RUFY4: variants seen among roughly 807,000 people sequenced by gnomAD.
RUFY4 encodes RUN and FYVE domain-containing protein 4.
RUFY4 carries 73 observed loss-of-function variants against 69.0 expected under a neutral mutation model. The observed-to-expected ratio is 1.06, with a 90% confidence interval of 0.88 to 1.29. The LOEUF is 1.29. RUFY4 is among the 50% of genes most tolerant of loss of function. The pLI, the probability that RUFY4 is intolerant of heterozygous loss-of-function variation, is 0.00. For missense variants in RUFY4, 770 were observed against 705.6 expected, an observed-to-expected ratio of 1.09 and a Z score of -1.03; for synonymous variants, 287 against 271.8, an observed-to-expected ratio of 1.06 and a Z score of -0.55.
chr2:218,045,317 C>T (rs888029650), intron 2 of RUFY4, among the ~76,000 whole-genome samples: 8 of 152,104 alleles, frequency 5.3e-5, no homozygotes, highest in African/African-American at 1.7e-4. Flanking sequence ...TGTCCTATTA[C>T]AAGCAGAGTA....
exon 7 of RUFY4, chr2:218,075,114 C>T: frequency 2.6e-6 from 4 of 1,539,384 alleles, no homozygotes; most frequent in Non-Finnish European, 3.5e-6. Context: ...ATATGGAGGG[C>T]CTGAAAATGT....
Position 218,070,895 on chromosome 2 carries a change from C to T in RUFY4, c.153+36C>T, listed in dbSNP as rs1049372828. 2.0e-6 allele frequency: 3 copies of T among 1,463,576 alleles called. No individual in the cohort carries two copies. In the African/African-American group the frequency reaches 4.2e-5, roughly 20 times the overall value. The allele number at this position is 1,463,576 out of a possible 1,614,324, so 90.7% of individuals were successfully genotyped here. A position where few individuals can be genotyped will look rare whatever the true frequency, so the allele number is the denominator to read the frequency against. On this transcript the variant is annotated intron_variant, in intron 2 of 10. Coordinates refer to ENST00000344321, the Ensembl canonical transcript of RUFY4. ...CTCCTCCCCTTCCCCATCCCTCTCC[C>T]CAGACCCAGATAACTGGTGGGACAT...
At chr2:218,062,246 T>A (rs59975032) in intron 3 of RUFY4, among the ~76,000 whole-genome samples, 48,523 of 149,690 alleles carry the variant, frequency 0.32, 8,605 homozygotes, top group African/African-American at 0.47. Flanking sequence ...AAAAATATTT[T>A]AAAAAAAAAA....
chr2:218,083,170 G>A (rs537392912), exon 9 of RUFY4: 15 of 1,613,672 alleles, frequency 9.3e-6, no homozygotes, highest in South Asian at 2.2e-5. Flanking sequence ...AGGAGGCTGA[G>A]AGGAGGGATG....
intron 8 of RUFY4, among the ~76,000 whole-genome samples, chr2:218,079,068 C>T (rs954111350): frequency 1.3e-5 from 2 of 152,180 alleles, no homozygotes; most frequent in Non-Finnish European, 2.9e-5. Flanking sequence ...GGGGTTTCAT[C>T]ATGTTGGCCA....
chr2:218,060,764 G>T (rs758355643), intron 3 of RUFY4: 11 of 1,555,090 alleles, frequency 7.1e-6, no homozygotes, highest in Non-Finnish European at 8.9e-6. Context: ...GCACGATGAA[G>T]CCAAAGGACT....
upstream of RUFY4, among the ~76,000 whole-genome samples, chr2:218,066,207 G>T (rs1313123955): frequency 4.1e-5 from 4 of 97,902 alleles, no homozygotes; most frequent in East Asian, 1.3e-3. Context: ...TTTTGAGAAG[G>T]AATTTTGCTC....
rs1054280022 is a variant in RUFY4, at chr2:218,072,886, G to A, written c.386+1G>A. On this transcript the variant is annotated splice_donor_variant, in intron 4 of 10. Coordinates refer to ENST00000344321, the Ensembl canonical transcript of RUFY4. LOFTEE classifies it high-confidence loss of function. ...GCCTCCTGAACTCAGAGCTCACCAGGTGGGGCTGTTGGGACATCCTCCTGC... is the reference window on the plus strand; with the variant it reads ...GCCTCCTGAACTCAGAGCTCACCAGATGGGGCTGTTGGGACATCCTCCTGC... 3.9e-6 allele frequency: 6 copies of A among 1,522,004 alleles called. No homozygotes were observed. The African/African-American group carries it at 5.5e-5, about 14-fold the overall frequency. 94.3% of individuals were successfully genotyped at this position (1,522,004 alleles called of 1,614,324 possible). A position where few individuals can be genotyped will look rare whatever the true frequency, so the allele number is the denominator to read the frequency against.
rs538012030 is a variant in RUFY4 at position 218,053,554 on chromosome 2, G to T, written c.-1157-5041G>T. On this transcript the variant is annotated intron_variant and NMD_transcript_variant, in intron 2 of 13. Coordinates refer to the RUFY4 transcript ENST00000457754. Reference sequence around the variant, plus strand: ...AAACGGAGTCTTGCTCTGTCGCCCAGGCTGGAGTGCAGTGGCGAGATCTCG... The same window carrying T: ...AAACGGAGTCTTGCTCTGTCGCCCATGCTGGAGTGCAGTGGCGAGATCTCG... Among the ~76,000 whole-genome samples, 12 of 152,162 alleles carry T rather than the reference G, an allele frequency of 7.9e-5. No homozygotes were observed. In the East Asian group the frequency reaches 2.3e-3, roughly 29 times the overall value.
At chr2:218,072,547 T>G in intron 3 of RUFY4, 48 bp downstream of exon 5, 1 of 1,530,290 alleles carries the variant, frequency 6.5e-7, no homozygotes, top group East Asian at 2.4e-5. Context: ...GGGGTAGACA[T>G]AGGCCTCCTC....
At chr2:218,052,749 A>ATTT (rs1559423641) in intron 2 of RUFY4, among the ~76,000 whole-genome samples, 8 of 144,706 alleles carry the variant, frequency 5.5e-5, no homozygotes, top group African/African-American at 2.0e-4. Context: ...TTTTTTTAAA[A>ATTT]AAAAAAGATA....
rs968269853 is a variant in RUFY4, at chr2:218,070,810, C to A, written c.104C>A (p.Thr35Asn). 1.1e-5 allele frequency: 17 copies of A among 1,537,130 alleles called. No homozygotes were observed. Among genetic ancestry groups the A allele is most frequent in the Non-Finnish European group, 1.4e-5 (16 of 1,146,822 alleles). The change falls in exon 2 of 11, where the codon ACC (threonine) becomes AAC (asparagine). Residue 35 changes from threonine to asparagine, a missense_variant. Coordinates refer to ENST00000344321, the Ensembl canonical transcript of RUFY4. ...GATGGGCAGGGGCCAGTGACGGACA[C>A]CAGTGCCGAGCTGCACAGACTCTGT...
At chr2:218,085,034 G>C (rs1689860694) in intron 9 of RUFY4, among the ~76,000 whole-genome samples, 1 of 152,168 alleles carries the variant, frequency 6.6e-6, no homozygotes, top group Non-Finnish European at 1.5e-5. Context: ...AGTGACAAGA[G>C]TGAAACTCCA....
chr2:218,070,791 CA>C lies in RUFY4; in HGVS notation c.86del (p.Gln29ArgfsTer4). 6.5e-7 allele frequency: 1 copy of C among 1,537,154 alleles called. No homozygotes were observed. The highest frequency in any genetic ancestry group is 2.4e-5 in the East Asian group (1 of 41,040). On this transcript the variant is annotated frameshift_variant, in exon 2 of 11. Transcript: ENST00000344321. LOFTEE classifies it high-confidence loss of function. ...CATCCTCCAGGGCTATGGGGATGGG[CA>C]GGGGCCAGTGACGGACACCAGTGCC...
intron 2 of RUFY4, among the ~76,000 whole-genome samples, chr2:218,056,591 C>T (rs752433722): frequency 6.6e-6 from 1 of 152,160 alleles, no homozygotes; most frequent in Non-Finnish European, 1.5e-5. Flanking sequence ...TCTTGATCAA[C>T]AGGTGGAAAT....
intron 2 of RUFY4, among the ~76,000 whole-genome samples, chr2:218,036,310 A>G (rs1417865997): frequency 3.3e-5 from 5 of 152,228 alleles, no homozygotes; most frequent in East Asian, 3.9e-4. Context: ...TGGACTTTAC[A>G]CAAAGGAGGC....
chr2:218,087,519 A>T (rs924805276), intron 9 of RUFY4, among the ~76,000 whole-genome samples: 1 of 152,180 alleles, frequency 6.6e-6, no homozygotes, highest in Non-Finnish European at 1.5e-5. Context: ...TGAATACATG[A>T]GTATATTCTG....
intron 8 of RUFY4, among the ~76,000 whole-genome samples, chr2:218,082,629 C>T (rs144859795): frequency 9.2e-5 from 14 of 152,084 alleles, no homozygotes; most frequent in African/African-American, 2.9e-4. Context: ...TGTGTGTAAA[C>T]GCACATACAT....
chr2:218,063,159 G>T (rs765296266), intron 3 of RUFY4, among the ~76,000 whole-genome samples: 4 of 152,182 alleles, frequency 2.6e-5, no homozygotes, highest in Non-Finnish European at 5.9e-5. Flanking sequence ...AAGCAATCCA[G>T]CTCCCTAATT....
Sources: gnomAD v4.1 joint callset for allele counts (sites outside exome capture counted in the v4.1 genomes callset) on GRCh38, gnomAD v4.1.1 for gene constraint, MANE v1.5 for transcripts, NCBI Gene and HGNC (gene_info 2026-07-23, HGNC 2026-07-21) for gene names.